SRGAP1: variants seen among roughly 807,000 people sequenced by gnomAD.
SRGAP1 encodes SLIT-ROBO Rho GTPase activating protein 1, also known as SLIT-ROBO Rho GTPase-activating protein 1.
Under a neutral mutation model 121.9 loss-of-function variants are expected in SRGAP1, and 43 were observed. The observed-to-expected ratio is 0.35, with a 90% CI of 0.28 to 0.46. The LOEUF is 0.46. SRGAP1 is among the 20% of genes least tolerant of loss of function. SRGAP1 has a pLI of 1.00. For missense variants in SRGAP1, 1,102 were observed against 1,350.9 expected (o/e 0.82, Z 2.89); for synonymous variants, 447 against 485.4 (o/e 0.92, Z 1.04).
rs1412223926 is a variant in SRGAP1, at chr12:64,155,022, T to C, written c.*12350T>C. 1 of 152,156 alleles carries C rather than the reference T, an allele frequency of 6.6e-6. No individual in the cohort carries two copies. Among genetic ancestry groups the C allele is most frequent in the East Asian group, 1.9e-4 (1 of 5,186 alleles). 9.4% of individuals were successfully genotyped at this position (152,156 alleles called of 1,614,324 possible). A position where few individuals can be genotyped will look rare whatever the true frequency, so the allele number is the denominator to read the frequency against. On this transcript the variant is annotated 3_prime_UTR_variant, in exon 22 of 22. Coordinates refer to ENST00000355086, the MANE Select transcript of SRGAP1 (RefSeq NM_020762.4). ...TGATAATAAAAATAGTTAACATTTGTTAAATATATATATTTTTTTCTTTTT... is the reference window on the plus strand; with the variant it reads ...TGATAATAAAAATAGTTAACATTTGCTAAATATATATATTTTTTTCTTTTT...
chr12:64,104,161 T>C (rs111694937), intron 15 of SRGAP1, among the ~76,000 whole-genome samples: 1 of 152,362 alleles, frequency 6.6e-6, no homozygotes, highest in African/African-American at 2.4e-5. Flanking sequence ...TTTGAACTTT[T>C]TGCCATTTGC....
chr12:64,092,131 T>G (rs2036064117), intron 12 of SRGAP1, among the ~76,000 whole-genome samples: 1 of 152,214 alleles, frequency 6.6e-6, no homozygotes, highest in African/African-American at 2.4e-5. Flanking sequence ...AAACTATTAG[T>G]TTTTACATTA....
At chr12:63,872,057 GCTGTT>G (rs1899872311) in intron 1 of SRGAP1, 1 of 753,308 alleles carries the variant, frequency 1.3e-6, no homozygotes, top group Non-Finnish European at 2.4e-6. Flanking sequence ...TTGCAGCAGG[GCTGTT>G]CTGTTTATAT....
chr12:63,964,414 A>T (rs12823640), intron 1 of SRGAP1, among the ~76,000 whole-genome samples: 1 of 152,134 alleles, frequency 6.6e-6, no homozygotes. Context: ...GGGAGTCCAC[A>T]AGGGTGAGTA....
rs550992825 is a variant in SRGAP1, at chr12:63,919,502, A to G, written c.68-64445A>G. 1.6e-4 allele frequency among the ~76,000 whole-genome samples: 10 copies of G among 64,200 alleles called. No homozygotes were observed. The East Asian group carries it at 8.7e-3, about 56-fold the overall frequency. 42.1% of individuals were successfully genotyped at this position (64,200 alleles called of 152,430 possible). On this transcript the variant is annotated intron_variant, in intron 1 of 21. Transcript: ENST00000355086. ...TAATTGTTTTAACTTAACATTACATATATATATATATATATATATACACAT... is the reference window on the plus strand; with the variant it reads ...TAATTGTTTTAACTTAACATTACATGTATATATATATATATATATACACAT...
In SRGAP1 at chr12:64,012,725, A is replaced by G. The variant is rs200252164; in HGVS notation, c.427-4225A>G. 3.9e-4 allele frequency among the ~76,000 whole-genome samples: 59 copies of G among 150,090 alleles called. No homozygotes were observed. In the East Asian group the frequency reaches 0.011, roughly 28 times the overall value. ...ACCACCATGCCCAGCTAATTTTTGT[A>G]TTTTTTCTAGAGATGGAGTTTCCCC... is the stretch of plus-strand genomic sequence containing the variant. On this transcript the variant is annotated intron_variant, in intron 3 of 21. Coordinates refer to ENST00000355086, the MANE Select transcript of SRGAP1 (RefSeq NM_020762.4).
chr12:64,047,455 C>A (rs1241685805), intron 6 of SRGAP1, among the ~76,000 whole-genome samples: 2 of 152,114 alleles, frequency 1.3e-5, no homozygotes, highest in African/African-American at 4.8e-5. Flanking sequence ...ACATCTTATA[C>A]TGAGCTATCT....
chr12:64,118,574 CT>C (rs1210741732), intron 18 of SRGAP1, among the ~76,000 whole-genome samples: 2 of 152,026 alleles, frequency 1.3e-5, no homozygotes, highest in South Asian at 2.1e-4. Flanking sequence ...CATTTGTTAC[CT>C]TTTGTTTGTT....
intron 11 of SRGAP1, among the ~76,000 whole-genome samples, chr12:64,087,990 C>T (rs1488100386): frequency 1.3e-5 from 2 of 152,116 alleles, no homozygotes; most frequent in Non-Finnish European, 2.9e-5. Context: ...ACCATTTGTG[C>T]AACAGACAGA....
chr12:64,110,209 C>T (rs1036141820), intron 16 of SRGAP1, among the ~76,000 whole-genome samples: 1 of 152,168 alleles, frequency 6.6e-6, no homozygotes, highest in Non-Finnish European at 1.5e-5. Context: ...GGATGGAGTA[C>T]CTTGCATTCC....
chr12:64,134,182 G>A (rs1419995172), intron 21 of SRGAP1, among the ~76,000 whole-genome samples: 2 of 152,070 alleles, frequency 1.3e-5, no homozygotes, highest in South Asian at 2.1e-4. Flanking sequence ...AGCACTTTGG[G>A]AGGCCAAGGC....
chr12:63,967,429 G>A (rs945422279), intron 1 of SRGAP1, among the ~76,000 whole-genome samples: 6 of 152,186 alleles, frequency 3.9e-5, no homozygotes, highest in Admixed American at 6.5e-5. Flanking sequence ...GTGACAGAGC[G>A]AGACCCTGTC....
chr12:64,041,516 C>T (rs1163082641), intron 4 of SRGAP1, among the ~76,000 whole-genome samples: 1 of 151,942 alleles, frequency 6.6e-6, no homozygotes, highest in Non-Finnish European at 1.5e-5. Context: ...TCCCAAGTAG[C>T]TGGCTCTACA....
intron 8 of SRGAP1, among the ~76,000 whole-genome samples, chr12:64,075,919 CAAA>C (rs752705333): frequency 7.9e-6 from 1 of 126,952 alleles, no homozygotes; most frequent in Non-Finnish European, 1.7e-5. Context: ...TTATTTTGTT[CAAA>C]AAAAAAAAAA....
rs995512340 is a variant in SRGAP1 at position 63,946,238 on chromosome 12, C to T, written c.68-37709C>T. Among the ~76,000 whole-genome samples the T allele has an allele frequency of 9.9e-5, 15 of 151,202 alleles. No homozygotes were observed. The East Asian group carries it at 1.7e-3, about 18-fold the overall frequency. The stretch of plus-strand genomic sequence containing the variant: ...CCTTTATGTTACCATTGTCACCATC[C>T]TAATTTTGGCCTTAATTATATCTAT... On this transcript the variant is annotated intron_variant, in intron 1 of 21. Transcript: ENST00000355086.
chr12:64,047,662 A>C (rs191621095), intron 6 of SRGAP1, among the ~76,000 whole-genome samples: 72 of 152,248 alleles, frequency 4.7e-4, no homozygotes, highest in Non-Finnish European at 1.6e-4. Flanking sequence ...CCTTCCACTC[A>C]TGTCAGTATC....
rs750351170 is a variant in SRGAP1, at chr12:64,150,934, C to CAAAAAAAAAAAAAAAAAAAAAAAAAAA, written c.*8288_*8289insAAAAAAAAAAAAAAAAAAAAAAAAAAA. The CAAAAAAAAAAAAAAAAAAAAAAAAAAA allele has an allele frequency of 8.1e-5, 2 of 24,718 alleles. No homozygotes were observed. Among genetic ancestry groups the CAAAAAAAAAAAAAAAAAAAAAAAAAAA allele is most frequent in the African/African-American group, 1.8e-4 (2 of 11,222 alleles). 1.5% of individuals were successfully genotyped at this position (24,718 alleles called of 1,614,324 possible). On this transcript the variant is annotated 3_prime_UTR_variant, in exon 22 of 22. Transcript: ENST00000355086. ...TGGGTGGAAGAGTGAGAAGCTATCT[C>CAAAAAAAAAAAAAAAAAAAAAAAAAAA]AAAAAAAAAAAAAAAAAAAAAAAAA...
intron 1 of SRGAP1, among the ~76,000 whole-genome samples, chr12:63,943,095 A>G (rs1375687203): frequency 1.3e-5 from 2 of 152,198 alleles, no homozygotes; most frequent in African/African-American, 4.8e-5. Flanking sequence ...TGGTGGAGGG[A>G]AGTATGCCAC....
chr12:64,079,145 A>G (rs778714746), intron 9 of SRGAP1, 29 bp downstream of exon 9: 4 of 1,612,558 alleles, frequency 2.5e-6, no homozygotes, highest in Admixed American at 3.3e-5. Context: ...AAGCCACTCT[A>G]CAGAGCTCAG....
Sources: gnomAD v4.1 joint callset for allele counts (sites outside exome capture counted in the v4.1 genomes callset) on GRCh38, gnomAD v4.1.1 for gene constraint, MANE v1.5 for transcripts, NCBI Gene and HGNC (gene_info 2026-07-23, HGNC 2026-07-21) for gene names.